Variants in KLF17 observed in about 807,000 individuals in gnomAD.
KLF17 encodes the protein Krueppel-like factor 17.
KLF17 carries 31 observed loss-of-function variants against 34.2 expected under a neutral mutation model. The observed-to-expected ratio is 0.91, with a 90% CI of 0.68 to 1.22. The LOEUF (loss-of-function observed/expected upper bound fraction) is 1.22, where lower values mean the gene tolerates loss of function less well. KLF17 is among the 50% of genes most tolerant of loss of function. The probability of loss-of-function intolerance (pLI) is 0.00; values close to 1 mark genes in which losing one functional copy is unlikely to be tolerated. For synonymous variants in KLF17, 179 were observed against 186.7 expected, an observed-to-expected ratio of 0.96 and a Z score of 0.34; for missense variants, 478 against 505.2, an observed-to-expected ratio of 0.95 and a Z score of 0.52.
chr1:44,056,420 G>C, the KLF17 span, among the ~76,000 whole-genome samples: 359 of 152,264 alleles, frequency 2.4e-3, 1 homozygote, highest in Admixed American at 3.9e-3. Flanking sequence ...AGACTAAGAA[G>C]CAAGTAATAG....
intron 1 of KLF17, chr1:44,122,143 C>A: frequency 6.6e-7 from 1 of 1,517,388 alleles, no homozygotes; most frequent in Non-Finnish European, 9.1e-7. Context: ...AACAGTAATC[C>A]TGAGAGACAT....
the KLF17 span, among the ~76,000 whole-genome samples, chr1:44,091,512 C>T: frequency 1.3e-5 from 2 of 151,516 alleles, no homozygotes; most frequent in African/African-American, 4.9e-5. Context: ...GAGAATTAGC[C>T]AGGCATGGTG....
upstream of KLF17, chr1:44,115,214 G>A (rs1344571404): frequency 6.6e-6 from 1 of 151,976 alleles, no homozygotes; most frequent in African/African-American, 2.4e-5. Flanking sequence ...ATGCCGAGGT[G>A]GGCGGATCAT....
the KLF17 span, chr1:44,076,722 T>A: frequency 6.6e-6 from 1 of 152,004 alleles, no homozygotes; most frequent in African/African-American, 2.4e-5. Context: ...GGTTGTCTTT[T>A]TTTTTTCTTT....
the KLF17 span, among the ~76,000 whole-genome samples, chr1:44,075,570 A>G: frequency 6.6e-6 from 1 of 152,186 alleles, no homozygotes. Flanking sequence ...AGGCCAGCCA[A>G]GTAGAGTCCT....
At chr1:44,056,123 C>T in the KLF17 span, among the ~76,000 whole-genome samples, 1,024 of 152,284 alleles carry the variant, frequency 6.7e-3, 13 homozygotes, top group African/African-American at 0.024. Flanking sequence ...GAGACAGTCT[C>T]CATCTCTTCT....
chr1:44,060,229 G>A, the KLF17 span, among the ~76,000 whole-genome samples: 4 of 152,148 alleles, frequency 2.6e-5, no homozygotes. Flanking sequence ...CAGCACTTTA[G>A]GAGGCCAAGC....
At chr1:44,118,576 T>C (rs1278637665), upstream of KLF17, among the ~76,000 whole-genome samples, 1 of 152,164 alleles carries the variant, frequency 6.6e-6, no homozygotes, top group Non-Finnish European at 1.5e-5. Flanking sequence ...CAGTCCCCAC[T>C]TGGGTGAAAC....
At chr1:44,060,029 ACAT>A in the KLF17 span, among the ~76,000 whole-genome samples, 6 of 152,124 alleles carry the variant, frequency 3.9e-5, no homozygotes, top group East Asian at 1.2e-3. Context: ...CCAAGGATAA[ACAT>A]CACACCCCGT....
At chr1:44,080,713 ATTTTTTTT>A in the KLF17 span, among the ~76,000 whole-genome samples, 7 of 92,674 alleles carry the variant, frequency 7.6e-5, no homozygotes, top group East Asian at 3.0e-4. Context: ...ATTATATTGA[ATTTTTTTT>A]TTTTTTTTTT....
chr1:44,085,753 A>G, the KLF17 span, among the ~76,000 whole-genome samples: 2 of 135,464 alleles, frequency 1.5e-5, no homozygotes, highest in Non-Finnish European at 3.1e-5. Flanking sequence ...GCAATGAGCT[A>G]TGATCATGCC....
In KLF17 at chr1:44,129,396, C is replaced by A; in HGVS notation, c.125C>A (p.Ser42Tyr). Residue 42 changes from serine (S) to tyrosine (Y), a missense_variant, in exon 2 of 4, where the codon TCT becomes TAT. By Grantham distance (144) the Ser-to-Tyr change is moderately radical. Transcript: ENST00000372299. Reference sequence around the variant, plus strand: ...CCCATCTTGAACATGTCTTCATCTTCTGGAAGCTCTGGAGTGCACACCTCT... The same window carrying A: ...CCCATCTTGAACATGTCTTCATCTTATGGAAGCTCTGGAGTGCACACCTCT... ...SAPILNMSSS[S>Y]GSSGVHTSWN... The A allele has an allele frequency of 2.6e-6, 4 of 1,527,734 alleles. No homozygotes were observed. 94.6% of individuals were successfully genotyped at this position (1,527,734 alleles called of 1,614,324 possible). A position where few individuals can be genotyped will look rare whatever the true frequency, so the allele number is the denominator to read the frequency against.
chr1:44,119,162 A>G (rs1571982907), intron 1 of KLF17, among the ~76,000 whole-genome samples, 174 bp downstream of exon 1: 1 of 78,694 alleles, frequency 1.3e-5, no homozygotes. Flanking sequence ...TTGCAAAGGG[A>G]GGGATGGGAG....
chr1:44,074,003 G>A, the KLF17 span, among the ~76,000 whole-genome samples: 1 of 152,254 alleles, frequency 6.6e-6, no homozygotes, highest in South Asian at 2.1e-4. Flanking sequence ...CTGGCACGCA[G>A]TAGCTGCCCC....
chr1:44,060,826 T>C, the KLF17 span, among the ~76,000 whole-genome samples: 1 of 152,224 alleles, frequency 6.6e-6, no homozygotes, highest in Non-Finnish European at 1.5e-5. Flanking sequence ...CAGACTAGCA[T>C]TGGATTATCT....
At chr1:44,109,531 A>G in the KLF17 span, among the ~76,000 whole-genome samples, 2 of 152,238 alleles carry the variant, frequency 1.3e-5, no homozygotes, top group Non-Finnish European at 2.9e-5. Context: ...TTACCAGTGT[A>G]GAATATAATA....
chr1:44,083,386 T>C, the KLF17 span, among the ~76,000 whole-genome samples: 1 of 152,124 alleles, frequency 6.6e-6, no homozygotes, highest in African/African-American at 2.4e-5. Flanking sequence ...TTGTAACCTC[T>C]TACCTTGCTC....
the KLF17 span, among the ~76,000 whole-genome samples, chr1:44,066,696 G>C: frequency 6.6e-6 from 1 of 152,086 alleles, no homozygotes; most frequent in Non-Finnish European, 1.5e-5. Context: ...TCTTGCACAG[G>C]TACATCAGAA....
At chr1:44,074,707 C>T in the KLF17 span, 2 of 152,188 alleles carry the variant, frequency 1.3e-5, no homozygotes, top group Admixed American at 6.5e-5. Context: ...CTAAAGTATG[C>T]TTTTACAAAT....
Sources: allele counts gnomAD v4.1 joint callset (sites outside exome capture counted in the v4.1 genomes callset), GRCh38; gene constraint gnomAD v4.1.1; transcripts MANE v1.5; gene names NCBI Gene and HGNC (gene_info 2026-07-23, HGNC 2026-07-21).